AGBL3: variants seen among roughly 807,000 people sequenced by gnomAD.
The protein encoded by AGBL3 is AGBL carboxypeptidase 3.
In AGBL3, 68 loss-of-function variants were observed where a neutral mutation model predicts 94.5. The observed-to-expected ratio is 0.72, with a 90% CI of 0.59 to 0.88. The LOEUF (loss-of-function observed/expected upper bound fraction) is 0.88. AGBL3 is among the 40% of genes least tolerant of loss of function. The pLI is 0.00. For missense variants in AGBL3, 934 were observed against 1,103.8 expected (o/e 0.85, Z 2.18); for synonymous variants, 354 against 370.7 (o/e 0.95, Z 0.52).
At chr7:134,993,296 T>A (rs1012150152) in intron 3 of AGBL3, among the ~76,000 whole-genome samples, 197 bp from the exon 4 acceptor site, 10 of 152,226 alleles carry the variant, frequency 6.6e-5, no homozygotes, top group Non-Finnish European at 1.3e-4. Flanking sequence ...AAGTCAACTA[T>A]CTTTTGGCTA....
intron 12 of AGBL3, among the ~76,000 whole-genome samples, chr7:135,069,119 G>A (rs1488376258): frequency 2.0e-5 from 3 of 152,086 alleles, no homozygotes; most frequent in Non-Finnish European, 2.9e-5. Context: ...AAAGATCAAA[G>A]GCGACAAAGA....
rs1352109217 is a variant in AGBL3, at chr7:135,037,460, T to C, written c.1380T>C (p.His460=). The stretch of plus-strand genomic sequence containing the variant: ...AGGTTATTTTATACTGTGATCTTCA[T>C]GGCCATAGTAGGAAAGAGAACATCT... ...KREVILYCDL[H]GHSRKENIFM... is the part of the protein sequence containing the mutation. Residue 460 remains histidine (H), a synonymous_variant, in exon 8 of 17, where the codon CAT becomes CAC. Transcript: ENST00000436302. 5 of 1,550,268 alleles carry C rather than the reference T, an allele frequency of 3.2e-6. No individual in the cohort carries two copies. Among genetic ancestry groups the C allele is most frequent in the Non-Finnish European group, 2.6e-6 (3 of 1,146,206 alleles).
At chr7:135,025,697 G>A (rs994229136) in intron 5 of AGBL3, among the ~76,000 whole-genome samples, 15 of 151,574 alleles carry the variant, frequency 9.9e-5, no homozygotes, top group African/African-American at 1.4e-4. Flanking sequence ...CAACAGACCC[G>A]TCTCATATGT....
intron 16 of AGBL3, among the ~76,000 whole-genome samples, chr7:135,133,847 T>C (rs1829119297): frequency 1.3e-5 from 2 of 152,062 alleles, no homozygotes. Context: ...GGATGAATTA[T>C]TAAACCAACT....
At position 135,037,476 on chromosome 7, in the gene AGBL3, G is replaced by T. The variant is rs1816423230; in HGVS notation, c.1396G>T (p.Glu466Ter). ...TGATCTTCATGGCCATAGTAGGAAA[G>T]AGAACATCTTCATGTATGGCTGTGA... ...YCDLHGHSRK[E>*]NIFMYGCDGS... Residue 466 changes from glutamate (E) to a stop codon, truncating the protein, a stop_gained, in exon 8 of 17, where the codon GAG (glutamate) becomes TAG (stop). Transcript: ENST00000436302. LOFTEE classifies it high-confidence loss of function. 1 of 1,550,468 alleles carries T rather than the reference G, an allele frequency of 6.4e-7. No homozygotes were observed. Among genetic ancestry groups the T allele is most frequent in the African/African-American group, 1.4e-5 (1 of 73,062 alleles).
chr7:135,025,370 C>G (rs1814976538), intron 5 of AGBL3, among the ~76,000 whole-genome samples: 1 of 151,542 alleles, frequency 6.6e-6, no homozygotes. Context: ...AACTAAGCTT[C>G]CACAAGTGAA....
chr7:134,999,274 A>G (rs1427697826), intron 4 of AGBL3, among the ~76,000 whole-genome samples: 8 of 152,184 alleles, frequency 5.3e-5, no homozygotes, highest in Non-Finnish European at 1.2e-4. Context: ...GTAAATGTCT[A>G]GTCCTGTCAG....
At chr7:134,989,610 G>A (rs1451061130) in intron 3 of AGBL3, among the ~76,000 whole-genome samples, 1 of 152,190 alleles carries the variant, frequency 6.6e-6, no homozygotes, top group Non-Finnish European at 1.5e-5. Context: ...GACAGATTAT[G>A]TTAGAAGTAC....
intron 11 of AGBL3, among the ~76,000 whole-genome samples, chr7:135,052,210 T>A (rs575490590): frequency 1.1e-4 from 17 of 152,306 alleles, no homozygotes; most frequent in Admixed American, 2.0e-4. Flanking sequence ...TATTTTCATG[T>A]CCCTGTACCT....
At chr7:135,061,020 G>A (rs535687765) in intron 12 of AGBL3, among the ~76,000 whole-genome samples, 67 of 150,542 alleles carry the variant, frequency 4.5e-4, no homozygotes, top group African/African-American at 1.6e-3. Flanking sequence ...CACCAACAGT[G>A]TACAGGGGTT....
At chr7:135,007,531 G>A (rs1057307866) in intron 4 of AGBL3, among the ~76,000 whole-genome samples, 9 of 151,894 alleles carry the variant, frequency 5.9e-5, no homozygotes, top group African/African-American at 1.9e-4. Flanking sequence ...AAGGAAAGGC[G>A]TCTATGGAAA....
At chr7:135,094,404 A>T in intron 15 of AGBL3, 2 of 456,696 alleles carry the variant, frequency 4.4e-6, no homozygotes, top group Middle Eastern at 3.3e-4. Flanking sequence ...CTAGAATCAT[A>T]AACTGGTAGG....
At chr7:135,094,993 C>T (rs1230465609) in intron 15 of AGBL3, among the ~76,000 whole-genome samples, 3 of 152,120 alleles carry the variant, frequency 2.0e-5, no homozygotes, top group Non-Finnish European at 4.4e-5. Context: ...TTTCATAGTT[C>T]CCTTGTTGGT....
chr7:135,078,563 CCA>C (rs1820663854), intron 13 of AGBL3, among the ~76,000 whole-genome samples: 2 of 151,942 alleles, frequency 1.3e-5, no homozygotes, highest in Admixed American at 6.6e-5. Flanking sequence ...ATAAATATAT[CCA>C]CAGAGTGGTT....
chr7:135,076,751 T>C (rs1483612805), intron 13 of AGBL3, among the ~76,000 whole-genome samples: 1 of 151,588 alleles, frequency 6.6e-6, no homozygotes, highest in African/African-American at 2.4e-5. Flanking sequence ...ATAAAGAAAT[T>C]AAAACTAAGA....
At chr7:135,090,815 T>C (rs960714682) in intron 15 of AGBL3, among the ~76,000 whole-genome samples, 1 of 152,016 alleles carries the variant, frequency 6.6e-6, no homozygotes, top group African/African-American at 2.4e-5. Context: ...TTCAGAGAGC[T>C]CAGTTTGAGG....
intron 16 of AGBL3, among the ~76,000 whole-genome samples, chr7:135,133,231 T>C (rs1042613366): frequency 1.3e-5 from 2 of 152,158 alleles, no homozygotes; most frequent in Non-Finnish European, 1.5e-5. Context: ...AAATACTTGG[T>C]TTTACAGGGT....
intron 15 of AGBL3, among the ~76,000 whole-genome samples, chr7:135,085,252 C>T (rs1251567931): frequency 6.6e-6 from 1 of 151,990 alleles, no homozygotes; most frequent in Non-Finnish European, 1.5e-5. Flanking sequence ...GGATATTAAT[C>T]CCTTGTCAGA....
chr7:135,065,784 C>T (rs1324306808), intron 12 of AGBL3, among the ~76,000 whole-genome samples: 1 of 152,126 alleles, frequency 6.6e-6, no homozygotes, highest in Non-Finnish European at 1.5e-5. Flanking sequence ...CCCAGCTTCT[C>T]AGGAGGCTGA....
Sources: allele counts gnomAD v4.1 joint callset (sites outside exome capture counted in the v4.1 genomes callset), GRCh38; gene constraint gnomAD v4.1.1; transcripts MANE v1.5; gene names NCBI Gene and HGNC (gene_info 2026-07-23, HGNC 2026-07-21).